The following NRP2 variants were observed in gnomAD, a reference collection of about 807,000 sequenced individuals.
The protein encoded by NRP2 is neuropilin 2, also known as neuropilin-2.
A neutral mutation model predicts 110.4 loss-of-function variants in NRP2; 52 were observed. That is an observed-to-expected ratio of 0.47 (90% CI 0.38 to 0.59). The LOEUF is 0.59. Ranked by LOEUF, NRP2 falls within the 20% of genes least tolerant of loss-of-function variation. NRP2 has a pLI of 0.00. For missense variants in NRP2, 1,049 were observed against 1,203.0 expected, an observed-to-expected ratio of 0.87 and a Z score of 1.89; for synonymous variants, 508 against 468.9, an observed-to-expected ratio of 1.08 and a Z score of -1.08.
At chr2:205,745,107 GC>G (rs1646373839) in intron 9 of NRP2, among the ~76,000 whole-genome samples, 1 of 152,146 alleles carries the variant, frequency 6.6e-6, no homozygotes, top group Non-Finnish European at 1.5e-5. Flanking sequence ...CTCCAAAGCA[GC>G]CCCCTGCTCC....
In NRP2 at chr2:205,683,362, A is replaced by G; in HGVS notation, c.72A>G (p.Pro24=). 1 of 1,611,982 alleles carries G rather than the reference A, an allele frequency of 6.2e-7. No individual in the cohort carries two copies. Among genetic ancestry groups the G allele is most frequent in the East Asian group, 2.2e-5 (1 of 44,880 alleles). Residue 24 remains proline, a splice_region_variant and synonymous_variant, in exon 1 of 17, where the codon CCA becomes CCG. Transcript: ENST00000357785. ...YFSRHQVRGQ[P]DPPCGGRLNS... ...CAAGACACCAAGTGAGAGGCCAACC[A>G]GGTAAGCCACTGAAAGTTTTTCTAT... is the stretch of plus-strand genomic sequence containing the variant.
chr2:205,749,875 C>A (rs200532536), intron 11 of NRP2, 34 bp downstream of exon 11: 1 of 1,524,388 alleles, frequency 6.6e-7, no homozygotes, highest in Non-Finnish European at 9.1e-7. Context: ...GGCATGGGTG[C>A]GGACTAGTCA....
intron 15 of NRP2, among the ~76,000 whole-genome samples, chr2:205,771,816 A>G (rs1037815117): frequency 6.6e-6 from 1 of 152,238 alleles, no homozygotes. Flanking sequence ...CAGGACATAC[A>G]GTCTCTGTTG....
At chr2:205,708,945 C>A (rs2056742582) in intron 2 of NRP2, among the ~76,000 whole-genome samples, 1 of 152,158 alleles carries the variant, frequency 6.6e-6, no homozygotes, top group Non-Finnish European at 1.5e-5. Context: ...ACTGTTTGAG[C>A]CCTTGGCGTT....
At chr2:205,776,075 A>G (rs1361204517) in intron 15 of NRP2, 7 of 775,356 alleles carry the variant, frequency 9.0e-6, no homozygotes, top group Non-Finnish European at 1.6e-5. Flanking sequence ...GAAATAATGC[A>G]ATCGTTGAGA....
chr2:205,794,212 G>A (rs549205592), intron 16 of NRP2, among the ~76,000 whole-genome samples: 5 of 152,246 alleles, frequency 3.3e-5, no homozygotes, highest in African/African-American at 1.2e-4. Flanking sequence ...CCAGGTTCAC[G>A]CCATTCTCCT....
intron 15 of NRP2, among the ~76,000 whole-genome samples, chr2:205,790,505 G>A (rs569041396): frequency 6.6e-6 from 1 of 152,254 alleles, no homozygotes; most frequent in African/African-American, 2.4e-5. Flanking sequence ...AGAAGTCACT[G>A]GCAGGAGCCC....
rs1027560842 is a variant in NRP2 at position 205,743,739 on chromosome 2, C to A, written c.1641+187C>A. 30 of 941,806 alleles carry A rather than the reference C, an allele frequency of 3.2e-5. No individual in the cohort carries two copies. In the East Asian group the frequency reaches 8.4e-4, roughly 26 times the overall value. The allele number at this position is 941,806 out of a possible 1,614,324, so 58.3% of individuals were successfully genotyped here. ...TGTGCTAAATACCTTATTTCTGACT[C>A]TTTTGTTTGTTTGTTTGTTTGTTTT... On this transcript the variant is annotated intron_variant, in intron 9 of 16. Coordinates refer to ENST00000357785, the MANE Select transcript of NRP2 (RefSeq NM_003872.3).
intron 3 of NRP2, among the ~76,000 whole-genome samples, chr2:205,718,444 G>A (rs539867077): frequency 6.6e-6 from 1 of 152,320 alleles, no homozygotes; most frequent in East Asian, 1.9e-4. Flanking sequence ...ACGGAGCTAG[G>A]TGGCTTCAGC....
rs1256344110 is a variant in NRP2, at chr2:205,700,835, T to C, written c.251+3114T>C. On this transcript the variant is annotated intron_variant, in intron 2 of 16. Coordinates refer to ENST00000357785, the MANE Select transcript of NRP2 (RefSeq NM_003872.3). ...CAGCCACTTGCAGAAATGCAAATCC[T>C]GGGCACCCACAGGCTGTTTGGGGGC... 1.2e-5 allele frequency: 6 copies of C among 491,156 alleles called. No individual in the cohort carries two copies. The Admixed American group carries it at 1.3e-4, about 10-fold the overall frequency. The allele number at this position is 491,156 out of a possible 1,614,324, so 30.4% of individuals were successfully genotyped here.
In NRP2 at chr2:205,765,731, G is replaced by T. The variant is rs757159187; in HGVS notation, c.2404+161G>T. The T allele has an allele frequency of 1.2e-5, 9 of 762,892 alleles. No homozygotes were observed. In the Admixed American group the frequency reaches 1.2e-4, roughly 10 times the overall value. 47.3% of individuals were successfully genotyped at this position (762,892 alleles called of 1,614,324 possible). Reference sequence around the variant, plus strand: ...AGGTGTGGGTGTAGTTGTGTCTTAGGCTGGGTTCAGGGTGGGAAGGGGTGT... The same window carrying T: ...AGGTGTGGGTGTAGTTGTGTCTTAGTCTGGGTTCAGGGTGGGAAGGGGTGT... On this transcript the variant is annotated intron_variant, in intron 14 of 16. Coordinates refer to ENST00000357785, the MANE Select transcript of NRP2 (RefSeq NM_003872.3).
At chr2:205,793,765 G>A (rs1490551107) in intron 16 of NRP2, among the ~76,000 whole-genome samples, 1 of 152,130 alleles carries the variant, frequency 6.6e-6, no homozygotes, top group African/African-American at 2.4e-5. Flanking sequence ...GATAACATCT[G>A]TAAAGGCCTT....
intron 4 of NRP2, 97 bp from the exon 5 acceptor site, chr2:205,723,688 C>T: frequency 8.3e-7 from 1 of 1,205,422 alleles, no homozygotes; most frequent in Non-Finnish European, 1.2e-6. Flanking sequence ...AAAGTGTGCT[C>T]CACTGAATGA....
chr2:205,765,252 A>C (rs964206446), intron 13 of NRP2, among the ~76,000 whole-genome samples: 4 of 152,132 alleles, frequency 2.6e-5, no homozygotes, highest in African/African-American at 7.2e-5. Flanking sequence ...ATATTTTCTT[A>C]TCCCCTTAAA....
intron 9 of NRP2, among the ~76,000 whole-genome samples, chr2:205,744,782 A>C (rs527823992): frequency 1.6e-4 from 25 of 152,334 alleles, no homozygotes; most frequent in Admixed American, 1.2e-3. Context: ...GTAAACTCCC[A>C]GCTCTCAACT....
rs80042771 is a variant in NRP2, at chr2:205,781,137, G to A, written c.2426-11098G>A. On this transcript the variant is annotated intron_variant, in intron 15 of 16. Transcript: ENST00000357785. ...ATTAGCCATCACTTATGCTTTGTTG[G>A]CATTACTGTTTTTGGAACCATGTTT... 2.0e-5 allele frequency among the ~76,000 whole-genome samples: 3 copies of A among 152,296 alleles called. No homozygotes were observed. In the East Asian group the frequency reaches 5.8e-4, roughly 29 times the overall value.
intron 2 of NRP2, among the ~76,000 whole-genome samples, 196 bp from the exon 3 acceptor site, chr2:205,715,997 G>A (rs1439024994): frequency 6.6e-6 from 1 of 152,236 alleles, no homozygotes; most frequent in African/African-American, 2.4e-5. Flanking sequence ...TATTCACTCT[G>A]TGGCTTTCAC....
intron 3 of NRP2, among the ~76,000 whole-genome samples, chr2:205,720,061 T>C (rs1439791543): frequency 6.6e-6 from 1 of 152,188 alleles, no homozygotes; most frequent in Non-Finnish European, 1.5e-5. Flanking sequence ...GATCTCTTCC[T>C]GGCATCTGCT....
Position 205,763,065 on chromosome 2 carries a change from G to C in NRP2, c.2045-609G>C, listed in dbSNP as rs1027121826. Among the ~76,000 whole-genome samples the C allele has an allele frequency of 1.3e-5, 2 of 152,132 alleles. No homozygotes were observed. The highest frequency in any genetic ancestry group is 2.9e-5 in the Non-Finnish European group (2 of 68,024). ...CCTTTCAGCTCCCACCCTCTGTTCT[G>C]TTTGAAGGTGACACTGGGCTTCTGA... On this transcript the variant is annotated intron_variant, in intron 12 of 16. Coordinates refer to ENST00000357785, the MANE Select transcript of NRP2 (RefSeq NM_003872.3). This position sits in a 1 kb window ranked among gnomAD's most constrained non-coding sequence, Gnocchi z 4.0.
Sources: allele counts gnomAD v4.1 joint callset (sites outside exome capture counted in the v4.1 genomes callset), GRCh38; gene constraint gnomAD v4.1.1; non-coding constraint Gnocchi (gnomAD v3.1); transcripts MANE v1.5; gene names NCBI Gene and HGNC (gene_info 2026-07-23, HGNC 2026-07-21).